Variants in PHACTR1 observed in about 807,000 individuals in gnomAD.
The protein encoded by PHACTR1 is phosphatase and actin regulator 1.
Under a neutral mutation model 69.2 loss-of-function variants are expected in PHACTR1, and 16 were observed. The ratio of observed to expected loss-of-function variants is 0.23; its 90% confidence interval spans 0.16 to 0.35. The LOEUF (loss-of-function observed/expected upper bound fraction) is 0.35. PHACTR1 is among the 10% of genes least tolerant of loss of function. The pLI is 1.00. For synonymous variants in PHACTR1, 312 were observed against 284.5 expected, an observed-to-expected ratio of 1.10 and a Z score of -0.97; for missense variants, 510 against 734.7, an observed-to-expected ratio of 0.69 and a Z score of 3.54.
chr6:13,056,081 A>G (rs143687193), intron 5 of PHACTR1, among the ~76,000 whole-genome samples: 148 of 152,290 alleles, frequency 9.7e-4, no homozygotes, highest in East Asian at 7.3e-3. Flanking sequence ...TGATAGATGG[A>G]TGGGTGCATG....
In PHACTR1 at chr6:12,738,629, G is replaced by A. The variant is rs542674198; in HGVS notation, c.104-11015G>A. On this transcript the variant is annotated intron_variant, in intron 3 of 14. Transcript: ENST00000332995. ...TGTAATCCTAGCACTTTGGGAGGCCGAGGCAGGCTGATCACTTGAGGTCAG... is the reference window on the plus strand; with the variant it reads ...TGTAATCCTAGCACTTTGGGAGGCCAAGGCAGGCTGATCACTTGAGGTCAG... 1.8e-3 allele frequency among the ~76,000 whole-genome samples: 268 copies of A among 152,198 alleles called. 1 individual carries two copies. Among genetic ancestry groups the A allele is most frequent in the African/African-American group, 6.3e-3 (260 of 41,528 alleles).
intron 4 of PHACTR1, among the ~76,000 whole-genome samples, chr6:12,868,864 G>A (rs1250975754): frequency 6.6e-6 from 1 of 151,966 alleles, no homozygotes; most frequent in African/African-American, 2.4e-5. Flanking sequence ...TTCACCAAAA[G>A]CCAGGAAAAT....
intron 6 of PHACTR1, among the ~76,000 whole-genome samples, chr6:13,170,232 C>T (rs1000598141): frequency 1.2e-4 from 19 of 152,178 alleles, no homozygotes; most frequent in South Asian, 6.2e-4. Flanking sequence ...TGAAAATTTG[C>T]GCAGATAACC....
At chr6:13,230,224 C>T (rs1323043697) in intron 10 of PHACTR1, 31 bp downstream of exon 10, 2 of 1,591,442 alleles carry the variant, frequency 1.3e-6, no homozygotes, top group Middle Eastern at 1.7e-4. Context: ...GCCTCCCTGG[C>T]AGTGGGCCTT....
intron 5 of PHACTR1, among the ~76,000 whole-genome samples, chr6:13,117,536 C>A (rs989570681): frequency 6.6e-6 from 1 of 152,174 alleles, no homozygotes; most frequent in Non-Finnish European, 1.5e-5. Flanking sequence ...CTTAATTCAA[C>A]CAAACAAGTT....
chr6:13,182,569 T>A lies in PHACTR1; in HGVS notation c.547T>A (p.Ser183Thr), dbSNP rs1032482403. 6.2e-7 allele frequency: 1 copy of A among 1,613,804 alleles called. No individual in the cohort carries two copies. Among genetic ancestry groups the A allele is most frequent in the Admixed American group, 1.7e-5 (1 of 60,014 alleles). The stretch of plus-strand genomic sequence containing the variant: ...AGAGGACTCCCTAGAAAATGGGCAG[T>A]CCCTGAGCTCCAGCCAGCTGTCTCT... ...NEEDSLENGQ[S>T]LSSSQLSLPA... is the part of the protein sequence containing the mutation. The change falls in exon 7 of 15, where the codon TCC becomes ACC. Residue 183 changes from serine (S) to threonine (T), a missense_variant. Ser to Thr is a moderately conservative substitution (Grantham distance 58). Around this residue, in one of 2 missense-constraint regions of PHACTR1, gnomAD observed 419 missense variants for 530.9 expected, o/e 0.79. Coordinates refer to ENST00000332995, the MANE Select transcript of PHACTR1 (RefSeq NM_030948.6).
intron 4 of PHACTR1, among the ~76,000 whole-genome samples, chr6:13,029,068 C>T (rs1344713708): frequency 4.6e-5 from 7 of 151,986 alleles, no homozygotes; most frequent in Non-Finnish European, 1.0e-4. Context: ...TCTAATCTTC[C>T]CGGGATAGAT....
intron 4 of PHACTR1, among the ~76,000 whole-genome samples, chr6:12,982,956 T>C (rs953127852): frequency 2.6e-5 from 4 of 152,236 alleles, no homozygotes; most frequent in Admixed American, 2.6e-4. Flanking sequence ...CTTTGATCAT[T>C]AAGGCTAAGA....
At chr6:13,201,900 G>A (rs561037241) in intron 7 of PHACTR1, among the ~76,000 whole-genome samples, 1 of 152,338 alleles carries the variant, frequency 6.6e-6, no homozygotes, top group South Asian at 2.1e-4. Context: ...CAGAAAGCAA[G>A]TAATTCTACC....
intron 4 of PHACTR1, among the ~76,000 whole-genome samples, chr6:12,849,379 A>G (rs976589498): frequency 2.0e-5 from 3 of 152,192 alleles, no homozygotes; most frequent in East Asian, 3.8e-4. Flanking sequence ...AAGAGAAGGT[A>G]CCCTATGTCG....
intron 6 of PHACTR1, among the ~76,000 whole-genome samples, chr6:13,180,809 A>G (rs1385344620): frequency 6.6e-6 from 1 of 152,184 alleles, no homozygotes; most frequent in East Asian, 1.9e-4. Flanking sequence ...ATGATGGGAT[A>G]GCGACACACT....
chr6:12,936,640 C>T (rs1789481049), intron 4 of PHACTR1, among the ~76,000 whole-genome samples: 1 of 152,190 alleles, frequency 6.6e-6, no homozygotes, highest in South Asian at 2.1e-4. Flanking sequence ...TGCATTAATG[C>T]ACTTTTCACA....
chr6:13,263,389 T>C (rs1584291776), intron 10 of PHACTR1, among the ~76,000 whole-genome samples: 1 of 136,520 alleles, frequency 7.3e-6, no homozygotes, highest in Non-Finnish European at 1.6e-5. Context: ...TTAAAGAAAA[T>C]AGAAGGCTCA....
At chr6:13,112,196 A>G (rs1445257987) in intron 5 of PHACTR1, among the ~76,000 whole-genome samples, 1 of 152,200 alleles carries the variant, frequency 6.6e-6, no homozygotes, top group East Asian at 1.9e-4. Context: ...TGTTCCTGCA[A>G]AAGACATGAT....
intron 5 of PHACTR1, among the ~76,000 whole-genome samples, chr6:13,147,654 CACCCTTTCTTTCATTAACAGGAGT>C (rs1823618040): frequency 6.6e-6 from 1 of 152,092 alleles, no homozygotes; most frequent in Non-Finnish European, 1.5e-5. Flanking sequence ...GCCTTATAAC[CACCCTTTCTTTCATTAACAGGAGT>C]TAGTTTACTG....
intron 4 of PHACTR1, among the ~76,000 whole-genome samples, chr6:12,885,815 C>T (rs893041210): frequency 3.3e-5 from 5 of 152,196 alleles, no homozygotes; most frequent in Admixed American, 2.0e-4. Flanking sequence ...GTCCAAGAGG[C>T]CGGACACAGT....
intron 5 of PHACTR1, among the ~76,000 whole-genome samples, chr6:13,121,463 A>G (rs188042668): frequency 7.7e-4 from 118 of 152,356 alleles, no homozygotes; most frequent in Middle Eastern, 3.4e-3. Flanking sequence ...TACTAATTAT[A>G]TAATTATAAC....
chr6:12,982,213 T>G (rs1398092191), intron 4 of PHACTR1, among the ~76,000 whole-genome samples: 1 of 152,150 alleles, frequency 6.6e-6, no homozygotes, highest in Non-Finnish European at 1.5e-5. Flanking sequence ...AGCTGGCCCC[T>G]CCTGGCAGCT....
At chr6:12,878,378 C>T (rs780117968) in intron 4 of PHACTR1, among the ~76,000 whole-genome samples, 9 of 152,186 alleles carry the variant, frequency 5.9e-5, no homozygotes, top group Non-Finnish European at 1.2e-4. Flanking sequence ...TTACAATCCC[C>T]AGCTTGGGGC....
Sources: gnomAD v4.1 joint callset for allele counts (sites outside exome capture counted in the v4.1 genomes callset) on GRCh38, gnomAD v4.1.1 for gene constraint, gnomAD v4.1.1 regional missense constraint, MANE v1.5 for transcripts, NCBI Gene and HGNC (gene_info 2026-07-23, HGNC 2026-07-21) for gene names.